ANKRD63: variants seen among roughly 807,000 people sequenced by gnomAD.
The protein encoded by ANKRD63 is ankyrin repeat domain-containing protein 63.
ANKRD63 carries 18 observed loss-of-function variants against 21.2 expected under a neutral mutation model. The ratio of observed to expected loss-of-function variants is 0.85; its 90% CI spans 0.59 to 1.26. The LOEUF (loss-of-function observed/expected upper bound fraction) is 1.26, where lower values mean the gene tolerates loss of function less well. ANKRD63 is among the 50% of genes most tolerant of loss of function. The pLI is 0.00. For synonymous variants in ANKRD63, 322 were observed against 273.3 expected, an observed-to-expected ratio of 1.18 and a Z score of -1.76; for missense variants, 523 against 570.9, an observed-to-expected ratio of 0.92 and a Z score of 0.85.
rs1167374461 is a variant in ANKRD63, at chr15:40,281,657, A to C, written c.930T>G (p.Ile310Met). ...GAPPTLAQAP[I>M]GLSPHPEGGP... ...CGCCCTCCGGGTGGGGACTGAGGCC[A>C]ATGGGGGCTTGCGCTAAGGTTGGGG... Residue 310 changes from isoleucine to methionine, a missense_variant, in exon 1 of 1, where the codon ATT becomes ATG. Around this residue, in one of 2 missense-constraint regions of ANKRD63, gnomAD observed 308 missense variants for 290.4 expected, o/e 1.06. Coordinates refer to ENST00000434396, the MANE Select transcript of ANKRD63 (RefSeq NM_001190479.3). The C allele has an allele frequency of 2.6e-6, 4 of 1,526,368 alleles. No homozygotes were observed. The highest frequency in any genetic ancestry group is 1.4e-5 in the African/African-American group (1 of 72,556). The allele number at this position is 1,526,368 out of a possible 1,614,324, so 94.6% of individuals were successfully genotyped here. A position where few individuals can be genotyped will look rare whatever the true frequency, so the allele number is the denominator to read the frequency against.
At position 40,282,590 on chromosome 15, in the gene ANKRD63, C is replaced by G. The variant is rs549604998; in HGVS notation, c.-4G>C. On this transcript the variant is annotated 5_prime_UTR_variant, in exon 1 of 1. Transcript: ENST00000434396. ...ACAGGTCCTTGGGTTTGAGCATGGC[C>G]CCGGCCGCCGCGCCCGGGCAGCCTG... is the stretch of plus-strand genomic sequence containing the variant. The G allele has an allele frequency of 5.8e-6, 8 of 1,381,484 alleles. No individual in the cohort carries two copies. In the African/African-American group the frequency reaches 1.1e-4, roughly 18 times the overall value. The allele number at this position is 1,381,484 out of a possible 1,614,324, so 85.6% of individuals were successfully genotyped here. A position where few individuals can be genotyped will look rare whatever the true frequency, so the allele number is the denominator to read the frequency against.
chr15:40,281,540 G>T lies in ANKRD63; in HGVS notation c.1047C>A (p.Gly349=). The T allele has an allele frequency of 1.3e-6, 2 of 1,528,636 alleles. No homozygotes were observed. Among genetic ancestry groups the T allele is most frequent in the South Asian group, 1.2e-5 (1 of 83,592 alleles). The allele number at this position is 1,528,636 out of a possible 1,614,324, so 94.7% of individuals were successfully genotyped here. ...ACAGAGCGTTGGCCTCTAACTCCGGGCCACTCTCGGGCCCTGGCGCCTCCC... is the reference window on the plus strand; with the variant it reads ...ACAGAGCGTTGGCCTCTAACTCCGGTCCACTCTCGGGCCCTGGCGCCTCCC... ...LVGEAPGPES[G]PELEANALSV... The change falls in exon 1 of 1, where the codon GGC becomes GGA. Residue 349 remains glycine (G), a synonymous_variant. Transcript: ENST00000434396.
rs995704278 is a variant in ANKRD63, at chr15:40,281,146, A to G, written c.*298T>C. ...ACAGGAGCGACAGATGGCTAGGCCG[A>G]CCCAGGATTGAGCCTGAGGGCTGGG... On this transcript the variant is annotated 3_prime_UTR_variant, in exon 1 of 1. Transcript: ENST00000434396. 1.3e-5 allele frequency among the ~76,000 whole-genome samples: 2 copies of G among 152,132 alleles called. No homozygotes were observed. The highest frequency in any genetic ancestry group is 6.5e-5 in the Admixed American group (1 of 15,274).
At position 40,281,137 on chromosome 15, in the gene ANKRD63, G is replaced by A. The variant is rs1255329462; in HGVS notation, c.*307C>T. ...GGGGGCCGGACAGGAGCGACAGATGGCTAGGCCGACCCAGGATTGAGCCTG... is the reference window on the plus strand; with the variant it reads ...GGGGGCCGGACAGGAGCGACAGATGACTAGGCCGACCCAGGATTGAGCCTG... On this transcript the variant is annotated 3_prime_UTR_variant, in exon 1 of 1. Transcript: ENST00000434396. Among the ~76,000 whole-genome samples, 3 of 152,218 alleles carry A rather than the reference G, an allele frequency of 2.0e-5. No individual in the cohort carries two copies. The East Asian group carries it at 5.8e-4, about 29-fold the overall frequency.
Position 40,282,693 on chromosome 15 carries a change from T to A in ANKRD63, c.-107A>T. ...CCGCCCGCGCTCTGATACCTCTCCCTCCGCGCGTGGGCGGCTGCAGCCGAG... is the reference window on the plus strand; with the variant it reads ...CCGCCCGCGCTCTGATACCTCTCCCACCGCGCGTGGGCGGCTGCAGCCGAG... On this transcript the variant is annotated 5_prime_UTR_variant, in exon 1 of 1. Transcript: ENST00000434396. The A allele has an allele frequency of 2.3e-6, 2 of 853,298 alleles. No individual in the cohort carries two copies. Among genetic ancestry groups the A allele is most frequent in the Non-Finnish European group, 3.3e-6 (2 of 613,074 alleles). The allele number at this position is 853,298 out of a possible 1,614,324, so 52.9% of individuals were successfully genotyped here.
rs1236373298 is a variant in ANKRD63, at chr15:40,281,756, C to T, written c.831G>A (p.Leu277=). The T allele has an allele frequency of 2.0e-6, 3 of 1,535,144 alleles. No homozygotes were observed. Among genetic ancestry groups the T allele is most frequent in the Non-Finnish European group, 2.6e-6 (3 of 1,146,568 alleles). ...EEAARLRAGA[L]MALPNSPQSS... ...ACTGGGGCGAGTTTGGTAGGGCCATCAGGGCCCCAGCCCGCAGGCGGGCAG... is the reference window on the plus strand; with the variant it reads ...ACTGGGGCGAGTTTGGTAGGGCCATTAGGGCCCCAGCCCGCAGGCGGGCAG... The change falls in exon 1 of 1, where the codon CTG becomes CTA. Residue 277 remains leucine (L), a synonymous_variant. Coordinates refer to ENST00000434396, the MANE Select transcript of ANKRD63 (RefSeq NM_001190479.3).
rs1423848798 is a variant in ANKRD63 at position 40,281,775 on chromosome 15, C to T, written c.812G>A (p.Arg271His). The T allele has an allele frequency of 8.2e-5, 126 of 1,534,950 alleles. No homozygotes were observed. Among genetic ancestry groups the T allele is most frequent in the Non-Finnish European group, 1.1e-4 (124 of 1,146,530 alleles). Residue 271 changes from arginine to histidine, a missense_variant, in exon 1 of 1, where the codon CGC (arginine) becomes CAC (histidine). Transcript: ENST00000434396. ...LGAVTEEEAA[R>H]LRAGALMALP... ...GGCCATCAGGGCCCCAGCCCGCAGG[C>T]GGGCAGCCTCCTCCTCGGTTACCGC...
At position 40,282,148 on chromosome 15, in the gene ANKRD63, G is replaced by C; in HGVS notation, c.439C>G (p.Leu147Val). The C allele has an allele frequency of 6.8e-7, 1 of 1,475,138 alleles. No individual in the cohort carries two copies. The highest frequency in any genetic ancestry group is 8.9e-7 in the Non-Finnish European group (1 of 1,122,662). The allele number at this position is 1,475,138 out of a possible 1,614,324, so 91.4% of individuals were successfully genotyped here. A position where few individuals can be genotyped will look rare whatever the true frequency, so the allele number is the denominator to read the frequency against. ...AGCCCCGCACGGTTGGTGCGGTCGAGGCGCAGGCCTAGGCGGCGGAAGGAC... is the reference window on the plus strand; with the variant it reads ...AGCCCCGCACGGTTGGTGCGGTCGACGCGCAGGCCTAGGCGGCGGAAGGAC... ...VRSFRRLGLR[L>V]DRTNRAGLTA... is the part of the protein sequence containing the mutation. The change falls in exon 1 of 1, where the codon CTC becomes GTC. Residue 147 changes from leucine to valine, a missense_variant. Leu to Val is a conservative substitution (Grantham distance 32). Transcript: ENST00000434396.
In ANKRD63 at chr15:40,280,535, G is replaced by C. The variant is rs1170252093; in HGVS notation, c.*909C>G. Reference sequence around the variant, plus strand: ...ACCCACGTGCGGGACGGGGGAGCTGGGAGGCGTGGAGGCGGGGAAGCGCTC... The same window carrying C: ...ACCCACGTGCGGGACGGGGGAGCTGCGAGGCGTGGAGGCGGGGAAGCGCTC... On this transcript the variant is annotated 3_prime_UTR_variant, in exon 1 of 1. Transcript: ENST00000434396. Among the ~76,000 whole-genome samples, 1 of 152,274 alleles carries C rather than the reference G, an allele frequency of 6.6e-6. No individual in the cohort carries two copies. The highest frequency in any genetic ancestry group is 1.5e-5 in the Non-Finnish European group (1 of 68,046).
In ANKRD63 at chr15:40,282,120, G is replaced by C; in HGVS notation, c.467C>G (p.Thr156Ser). Reference sequence around the variant, plus strand: ...GCGGGCGGCGGCCAGTTGCAGCGCGGTGAGCCCCGCACGGTTGGTGCGGTC... The same window carrying C: ...GCGGGCGGCGGCCAGTTGCAGCGCGCTGAGCCCCGCACGGTTGGTGCGGTC... ...RLDRTNRAGL[T>S]ALQLAAARGH... The change falls in exon 1 of 1, where the codon ACC becomes AGC. Residue 156 changes from threonine (T) to serine (S), a missense_variant. Thr to Ser is a moderately conservative substitution (Grantham distance 58, BLOSUM62 1). This residue lies in a region of ANKRD63 where 215 missense variants were observed against 280.4 expected (regional missense o/e 0.77). Transcript: ENST00000434396. 7.0e-7 allele frequency: 1 copy of C among 1,427,448 alleles called. No individual in the cohort carries two copies. Among genetic ancestry groups the C allele is most frequent in the Non-Finnish European group, 9.1e-7 (1 of 1,099,770 alleles). 88.4% of individuals were successfully genotyped at this position (1,427,448 alleles called of 1,614,324 possible). A position where few individuals can be genotyped will look rare whatever the true frequency, so the allele number is the denominator to read the frequency against.
Position 40,282,306 on chromosome 15 carries a change from C to A in ANKRD63, c.281G>T (p.Arg94Leu), listed in dbSNP as rs1290929134. 6.6e-7 allele frequency: 1 copy of A among 1,518,912 alleles called. No homozygotes were observed. Among genetic ancestry groups the A allele is most frequent in the Non-Finnish European group, 8.8e-7 (1 of 1,141,042 alleles). The allele number at this position is 1,518,912 out of a possible 1,614,324, so 94.1% of individuals were successfully genotyped here. Reference sequence around the variant, plus strand: ...CAGCTGCACGGCGTCCAGGTGGCCTCGCTCGCACGCCAGGCTGAGTGCGGT... The same window carrying A: ...CAGCTGCACGGCGTCCAGGTGGCCTAGCTCGCACGCCAGGCTGAGTGCGGT... Reference protein sequence around the residue: ...GRTALSLACERGHLDAVQLLV... With the variant: ...GRTALSLACELGHLDAVQLLV... Residue 94 changes from arginine to leucine, a missense_variant, in exon 1 of 1, where the codon CGA becomes CTA. Arg to Leu is a moderately radical substitution (Grantham distance 102). Coordinates refer to ENST00000434396, the MANE Select transcript of ANKRD63 (RefSeq NM_001190479.3).
In ANKRD63 at chr15:40,278,500, G is replaced by A. The variant is rs1341811131; in HGVS notation, c.*2944C>T. Among the ~76,000 whole-genome samples, 2 of 152,166 alleles carry A rather than the reference G, an allele frequency of 1.3e-5. No homozygotes were observed. Among genetic ancestry groups the A allele is most frequent in the African/African-American group, 4.8e-5 (2 of 41,426 alleles). ...ACACACACACCACTTCTGATCTTAG[G>A]GTACCAAGTGCCAGCATCCTGGGTG... On this transcript the variant is annotated 3_prime_UTR_variant, in exon 1 of 1. Transcript: ENST00000434396.
In ANKRD63 at chr15:40,282,021, G is replaced by C; in HGVS notation, c.566C>G (p.Ser189Cys). The C allele has an allele frequency of 2.5e-6, 3 of 1,219,584 alleles. No homozygotes were observed. Among genetic ancestry groups the C allele is most frequent in the Non-Finnish European group, 3.1e-6 (3 of 981,794 alleles). 75.5% of individuals were successfully genotyped at this position (1,219,584 alleles called of 1,614,324 possible). Residue 189 changes from serine to cysteine, a missense_variant, in exon 1 of 1, where the codon TCC becomes TGC. Physicochemically the swap from Ser to Cys is moderately radical, Grantham distance 112. Around this residue, in one of 2 missense-constraint regions of ANKRD63, gnomAD observed 308 missense variants for 290.4 expected, o/e 1.06. Transcript: ENST00000434396. ...RAAAAAAARGSNSDSPPGRPA... is the reference protein window; with the variant it reads ...RAAAAAAARGCNSDSPPGRPA... ...GCGGCCAGGGGGACTATCGGAGTTG[G>C]AGCCCCGGGCCGCAGCGGCGGCGGC...
At position 40,280,046 on chromosome 15, in the gene ANKRD63, G is replaced by A. The variant is rs529949843; in HGVS notation, c.*1398C>T. On this transcript the variant is annotated 3_prime_UTR_variant, in exon 1 of 1. Transcript: ENST00000434396. ...GGGACAAAGGACAGTGTCAGGAAAG[G>A]GCCTCTGACCACCTCTCTGCGGTTG... Among the ~76,000 whole-genome samples the A allele has an allele frequency of 1.6e-4, 24 of 152,350 alleles. No individual in the cohort carries two copies. In the South Asian group the frequency reaches 5.0e-3, roughly 32 times the overall value.
chr15:40,282,036 G>C lies in ANKRD63; in HGVS notation c.551C>G (p.Ala184Gly). Residue 184 changes from alanine to glycine, a missense_variant, in exon 1 of 1, where the codon GCT becomes GGT. Transcript: ENST00000434396. Reference sequence around the variant, plus strand: ...ATCGGAGTTGGAGCCCCGGGCCGCAGCGGCGGCGGCGGCGCGGCCCCAGGG... The same window carrying C: ...ATCGGAGTTGGAGCCCCGGGCCGCACCGGCGGCGGCGGCGCGGCCCCAGGG... ...TGPWGRAAAA[A>G]AARGSNSDSP... 2 of 1,216,162 alleles carry C rather than the reference G, an allele frequency of 1.6e-6. No individual in the cohort carries two copies. Among genetic ancestry groups the C allele is most frequent in the Non-Finnish European group, 2.0e-6 (2 of 978,636 alleles). The allele number at this position is 1,216,162 out of a possible 1,614,324, so 75.3% of individuals were successfully genotyped here. A position where few individuals can be genotyped will look rare whatever the true frequency, so the allele number is the denominator to read the frequency against.
Position 40,281,429 on chromosome 15 carries a change from G to A in ANKRD63, c.*15C>T, listed in dbSNP as rs2039540198. ...CGGGAGGGTAGGGGAAGCAGGCCTC[G>A]GGCCTTGGCGCCGTTTACCGCTGAG... On this transcript the variant is annotated 3_prime_UTR_variant, in exon 1 of 1. Transcript: ENST00000434396. The A allele has an allele frequency of 2.2e-6, 3 of 1,378,522 alleles. No homozygotes were observed. Among genetic ancestry groups the A allele is most frequent in the Admixed American group, 3.4e-5 (1 of 29,368 alleles). The allele number at this position is 1,378,522 out of a possible 1,614,324, so 85.4% of individuals were successfully genotyped here. A position where few individuals can be genotyped will look rare whatever the true frequency, so the allele number is the denominator to read the frequency against.
chr15:40,279,592 C>G lies in ANKRD63; in HGVS notation c.*1852G>C, dbSNP rs1017601664. ...CACCAGGGGGCACCAGAGATCACGT[C>G]CAGTGCGCCGGCCTGCTTGGCCTAG... On this transcript the variant is annotated 3_prime_UTR_variant, in exon 1 of 1. Transcript: ENST00000434396. 6.6e-6 allele frequency among the ~76,000 whole-genome samples: 1 copy of G among 152,230 alleles called. No homozygotes were observed. The highest frequency in any genetic ancestry group is 1.5e-5 in the Non-Finnish European group (1 of 68,044).
chr15:40,282,178 C>T lies in ANKRD63; in HGVS notation c.409G>A (p.Val137Met). Residue 137 changes from valine (V) to methionine (M), a missense_variant, in exon 1 of 1, where the codon GTG (valine) becomes ATG (methionine). Around this residue, in one of 2 missense-constraint regions of ANKRD63, gnomAD observed 215 missense variants for 280.4 expected, o/e 0.77. Transcript: ENST00000434396. ...AGGCCTAGGCGGCGGAAGGACCGCACCAGGAACTCGAGCACCGCCCCGTGG... is the reference window on the plus strand; with the variant it reads ...AGGCCTAGGCGGCGGAAGGACCGCATCAGGAACTCGAGCACCGCCCCGTGG... ...CGHGAVLEFL[V>M]RSFRRLGLRL... The T allele has an allele frequency of 6.7e-7, 1 of 1,495,714 alleles. No individual in the cohort carries two copies. Among genetic ancestry groups the T allele is most frequent in the Non-Finnish European group, 8.8e-7 (1 of 1,131,278 alleles). 92.7% of individuals were successfully genotyped at this position (1,495,714 alleles called of 1,614,324 possible). A position where few individuals can be genotyped will look rare whatever the true frequency, so the allele number is the denominator to read the frequency against.
At position 40,282,965 on chromosome 15, in the gene ANKRD63, G is replaced by T. The variant is rs931815837; in HGVS notation, c.-379C>A. On this transcript the variant is annotated 5_prime_UTR_variant, in exon 1 of 1. Coordinates refer to ENST00000434396, the MANE Select transcript of ANKRD63 (RefSeq NM_001190479.3). ...AGTCCTCGTGGTTTGGAGCCGCCGT[G>T]CCACTCACCCGCACCCAGGGCAGCC... Among the ~76,000 whole-genome samples, 1 of 152,200 alleles carries T rather than the reference G, an allele frequency of 6.6e-6. No homozygotes were observed. The highest frequency in any genetic ancestry group is 1.5e-5 in the Non-Finnish European group (1 of 68,026).
Sources: gnomAD v4.1 joint callset for allele counts (sites outside exome capture counted in the v4.1 genomes callset) on GRCh38, gnomAD v4.1.1 for gene constraint, gnomAD v4.1.1 regional missense constraint, MANE v1.5 for transcripts, NCBI Gene and HGNC (gene_info 2026-07-23, HGNC 2026-07-21) for gene names.